The following GRIK2 variants were observed in gnomAD, a reference collection of about 807,000 sequenced individuals.
GRIK2 encodes glutamate receptor ionotropic, kainate 2.
A neutral mutation model predicts 100.3 loss-of-function variants in GRIK2; 32 were observed. The observed-to-expected ratio is 0.32, with a 90% confidence interval of 0.24 to 0.43. The LOEUF (loss-of-function observed/expected upper bound fraction) is 0.43, where lower values mean the gene tolerates loss of function less well. GRIK2 is among the 20% of genes least tolerant of loss of function. The pLI is 1.00. For missense variants in GRIK2, 843 were observed against 1,114.9 expected, an observed-to-expected ratio of 0.76 and a Z score of 3.47; for synonymous variants, 417 against 389.4, an observed-to-expected ratio of 1.07 and a Z score of -0.83.
chr6:101,911,996 T>C lies in GRIK2; in HGVS notation c.1749-12605T>C, dbSNP rs577147317. 6.0e-5 allele frequency among the ~76,000 whole-genome samples: 9 copies of C among 150,322 alleles called. No individual in the cohort carries two copies. The East Asian group carries it at 1.8e-3, about 30-fold the overall frequency. On this transcript the variant is annotated intron_variant, in intron 12 of 16. Coordinates refer to ENST00000369134, the MANE Select transcript of GRIK2 (RefSeq NM_021956.5). ...ATTTATTTTCAAAAAGATAATAAACTTGTGGGTTATCAATTCTAGAAAGAA... is the reference window on the plus strand; with the variant it reads ...ATTTATTTTCAAAAAGATAATAAACCTGTGGGTTATCAATTCTAGAAAGAA...
intron 9 of GRIK2, 86 bp downstream of exon 9, chr6:101,802,524 T>C (rs896374002): frequency 1.6e-5 from 8 of 495,942 alleles, no homozygotes; most frequent in Non-Finnish European, 1.8e-5. Flanking sequence ...TCACATTTCA[T>C]TGACATTTAA....
rs912084784 is a variant in GRIK2 at position 101,425,617 on chromosome 6, G to A, written c.115+26225G>A. 3.3e-5 allele frequency among the ~76,000 whole-genome samples: 5 copies of A among 152,202 alleles called. No individual in the cohort carries two copies. The South Asian group carries it at 8.3e-4, about 25-fold the overall frequency. Reference sequence around the variant, plus strand: ...ACTTTGTATTAAAGTTTTAAAGACAGCAAGGCATATTTATTTTTGAACAAT... The same window carrying A: ...ACTTTGTATTAAAGTTTTAAAGACAACAAGGCATATTTATTTTTGAACAAT... On this transcript the variant is annotated intron_variant, in intron 2 of 16. Coordinates refer to ENST00000369134, the MANE Select transcript of GRIK2 (RefSeq NM_021956.5).
intron 2 of GRIK2, among the ~76,000 whole-genome samples, chr6:101,499,641 T>A (rs1250012278): frequency 6.6e-6 from 1 of 152,144 alleles, no homozygotes; most frequent in Non-Finnish European, 1.5e-5. Context: ...ACATTTAACT[T>A]TTTTTCTGAT....
chr6:101,963,233 T>C (rs1332044516), intron 14 of GRIK2, among the ~76,000 whole-genome samples: 1 of 148,880 alleles, frequency 6.7e-6, no homozygotes, highest in Non-Finnish European at 1.5e-5. Flanking sequence ...AGGACTTATA[T>C]ATCTTAATTT....
At chr6:101,903,129 C>T (rs548736139) in intron 12 of GRIK2, among the ~76,000 whole-genome samples, 10 of 151,968 alleles carry the variant, frequency 6.6e-5, no homozygotes, top group African/African-American at 2.2e-4. Flanking sequence ...AAGTCTTCAC[C>T]TTTTTATTCA....
chr6:101,998,174 AT>A lies in GRIK2; in HGVS notation c.2086-37163del, dbSNP rs1582691657. Among the ~76,000 whole-genome samples the A allele has an allele frequency of 2.0e-5, 3 of 152,198 alleles. No individual in the cohort carries two copies. The East Asian group carries it at 5.8e-4, about 29-fold the overall frequency. ...TTTTTGTCAGTACAGATTAGTTTGC[AT>A]TTTCTAAAATTTTATATAAATCAAA... On this transcript the variant is annotated intron_variant, in intron 14 of 16. Transcript: ENST00000369134.
chr6:101,692,039 C>A (rs1772138555), intron 7 of GRIK2, among the ~76,000 whole-genome samples: 25 of 78,368 alleles, frequency 3.2e-4, no homozygotes, highest in East Asian at 7.2e-4. Flanking sequence ...CACCCCGTCT[C>A]AAAAAAAAAA....
At chr6:101,942,701 A>G (rs1173455843) in intron 14 of GRIK2, among the ~76,000 whole-genome samples, 1 of 152,222 alleles carries the variant, frequency 6.6e-6, no homozygotes, top group East Asian at 1.9e-4. Context: ...GAAATTTCAA[A>G]GCAGCAAAGT....
rs201355134 is a variant in GRIK2, at chr6:101,568,664, G to A, written c.116-53285G>A. Among the ~76,000 whole-genome samples the A allele has an allele frequency of 3.3e-5, 5 of 152,022 alleles. No individual in the cohort carries two copies. In the East Asian group the frequency reaches 7.7e-4, roughly 23 times the overall value. On this transcript the variant is annotated intron_variant, in intron 2 of 16. Coordinates refer to ENST00000369134, the MANE Select transcript of GRIK2 (RefSeq NM_021956.5). ...ACTCTTGGTAATCTTACTGTGCAATGCAAATGTCAACCATAAAATTTATTT... is the reference window on the plus strand; with the variant it reads ...ACTCTTGGTAATCTTACTGTGCAATACAAATGTCAACCATAAAATTTATTT...
chr6:101,793,603 G>A (rs1470921521), intron 7 of GRIK2, among the ~76,000 whole-genome samples: 1 of 152,162 alleles, frequency 6.6e-6, no homozygotes, highest in Non-Finnish European at 1.5e-5. Flanking sequence ...CATGTGAGGT[G>A]TCAGTCTGCC....
intron 2 of GRIK2, among the ~76,000 whole-genome samples, chr6:101,561,018 T>G (rs1164605514): frequency 6.6e-6 from 1 of 152,168 alleles, no homozygotes; most frequent in East Asian, 1.9e-4. Flanking sequence ...GGACCTCAGC[T>G]ATGGGCCAGG....
chr6:101,886,442 T>G (rs1786624171), intron 11 of GRIK2, among the ~76,000 whole-genome samples: 1 of 151,986 alleles, frequency 6.6e-6, no homozygotes, highest in Non-Finnish European at 1.5e-5. Context: ...TAATTTCTAT[T>G]TTTCTCTTTC....
chr6:101,520,786 C>T (rs1774843371), intron 2 of GRIK2, among the ~76,000 whole-genome samples: 1 of 152,010 alleles, frequency 6.6e-6, no homozygotes, highest in Non-Finnish European at 1.5e-5. Flanking sequence ...TAATACAATG[C>T]TATGCAATGG....
intron 15 of GRIK2, among the ~76,000 whole-genome samples, chr6:102,047,940 A>G (rs1770982432): frequency 6.6e-6 from 1 of 151,786 alleles, no homozygotes. Context: ...GAGGCATCAC[A>G]ATATCTGATT....
At chr6:101,442,915 C>T (rs972672405) in intron 2 of GRIK2, among the ~76,000 whole-genome samples, 5 of 152,152 alleles carry the variant, frequency 3.3e-5, no homozygotes, top group African/African-American at 9.6e-5. Flanking sequence ...CAAGTCTTGA[C>T]TGAATCCGCA....
chr6:101,447,370 CA>C (rs1488607950), intron 2 of GRIK2, among the ~76,000 whole-genome samples: 1 of 151,678 alleles, frequency 6.6e-6, no homozygotes, highest in Non-Finnish European at 1.5e-5. Context: ...TCTAAGTCTA[CA>C]TATTTGCCCT....
intron 2 of GRIK2, among the ~76,000 whole-genome samples, chr6:101,490,178 A>T (rs548618889): frequency 0.013 from 1,324 of 103,764 alleles, 194 homozygotes; most frequent in African/African-American, 0.073. Flanking sequence ...GCACTAAATA[A>T]TTAAGTATTT....
intron 10 of GRIK2, among the ~76,000 whole-genome samples, chr6:101,831,053 A>G (rs1209582892): frequency 6.6e-6 from 1 of 152,138 alleles, no homozygotes; most frequent in Admixed American, 6.6e-5. Context: ...GAGAAGCCCA[A>G]ACTTCAGCAT....
Position 101,817,311 on chromosome 6 carries a change from A to G in GRIK2, c.1204-1059A>G, listed in dbSNP as rs150901458. Among the ~76,000 whole-genome samples, 293 of 152,344 alleles carry G rather than the reference A, an allele frequency of 1.9e-3. 2 individuals carry two copies. The highest frequency in any genetic ancestry group is 0.018 in the Admixed American group (277 of 15,302). On this transcript the variant is annotated intron_variant, in intron 9 of 16. Coordinates refer to ENST00000369134, the MANE Select transcript of GRIK2 (RefSeq NM_021956.5). ...TTAGCATATTTAGTTAGAACAGAGT[A>G]AATAATACCTGCTAAATCAATGCCA...
Sources: gnomAD v4.1 joint callset for allele counts (sites outside exome capture counted in the v4.1 genomes callset) on GRCh38, gnomAD v4.1.1 for gene constraint, MANE v1.5 for transcripts, NCBI Gene and HGNC (gene_info 2026-07-23, HGNC 2026-07-21) for gene names.